Variants in DSCAM observed in about 807,000 individuals in gnomAD.
The protein encoded by DSCAM is DS cell adhesion molecule, also known as cell adhesion molecule DSCAM.
In DSCAM, 47 loss-of-function variants were observed where a neutral mutation model predicts 217.7. That is an observed-to-expected ratio of 0.22 (90% CI 0.17 to 0.28). DSCAM has a LOEUF of 0.28. DSCAM is among the 10% of genes least tolerant of loss of function. The pLI is 1.00. For missense variants in DSCAM, 2,080 were observed against 2,618.3 expected, an observed-to-expected ratio of 0.79 and a Z score of 4.49; for synonymous variants, 1,056 against 1,015.3, an observed-to-expected ratio of 1.04 and a Z score of -0.76.
At chr21:40,727,670 T>G (rs2146519025) in intron 1 of DSCAM, among the ~76,000 whole-genome samples, 1 of 152,230 alleles carries the variant, frequency 6.6e-6, no homozygotes, top group East Asian at 1.9e-4. Context: ...CCAATGGGTC[T>G]CTCTGCTTCT....
Position 40,022,333 on chromosome 21 carries a change from C to G in DSCAM, c.5687-8947G>C, listed in dbSNP as rs114085822. On this transcript the variant is annotated intron_variant, in intron 32 of 32. Coordinates refer to ENST00000400454, the MANE Select transcript of DSCAM (RefSeq NM_001389.5). ...CAACATCATCCAATGCTCAGAATAG[C>G]CCCTGCCACGAAGAATGATCTGGCT... Among the ~76,000 whole-genome samples the G allele has an allele frequency of 4.6e-3, 700 of 152,280 alleles. 5 individuals carry two copies. The highest frequency in any genetic ancestry group is 0.016 in the African/African-American group (651 of 41,556).
At chr21:40,204,615 A>C (rs1381237673) in intron 11 of DSCAM, among the ~76,000 whole-genome samples, 1 of 152,186 alleles carries the variant, frequency 6.6e-6, no homozygotes, top group Non-Finnish European at 1.5e-5. Flanking sequence ...AAATAACACC[A>C]ATGGTTTTGC....
chr21:40,348,910 A>G (rs981018548), intron 5 of DSCAM, among the ~76,000 whole-genome samples: 5 of 151,820 alleles, frequency 3.3e-5, no homozygotes, highest in African/African-American at 9.7e-5. Context: ...GTGAGGCCAA[A>G]GTGGGAGGAT....
chr21:40,601,121 C>G (rs778837588), intron 3 of DSCAM, among the ~76,000 whole-genome samples: 14 of 152,194 alleles, frequency 9.2e-5, no homozygotes, highest in Non-Finnish European at 1.9e-4. Flanking sequence ...TTGAGAAAAA[C>G]TGACATCGTA....
intron 3 of DSCAM, among the ~76,000 whole-genome samples, chr21:40,486,024 A>G (rs957485535): frequency 1.1e-4 from 16 of 152,230 alleles, no homozygotes; most frequent in Admixed American, 2.6e-4. Context: ...ACTACGTACT[A>G]TAAACTGAGG....
chr21:40,812,220 C>T (rs1289695133), intron 1 of DSCAM, among the ~76,000 whole-genome samples: 4 of 152,160 alleles, frequency 2.6e-5, no homozygotes, highest in East Asian at 1.9e-4. Context: ...AGCCAGAAAT[C>T]GTTACCATCT....
chr21:40,523,958 A>G (rs2076380146), intron 3 of DSCAM, among the ~76,000 whole-genome samples: 1 of 152,090 alleles, frequency 6.6e-6, no homozygotes, highest in South Asian at 2.1e-4. Context: ...CCCCCATCAC[A>G]CACCCTGAGA....
chr21:40,066,706 C>T (rs549015367), intron 27 of DSCAM, among the ~76,000 whole-genome samples: 1 of 152,288 alleles, frequency 6.6e-6, no homozygotes, highest in South Asian at 2.1e-4. Flanking sequence ...ATTTGTCCCT[C>T]TAATACATTA....
intron 5 of DSCAM, among the ~76,000 whole-genome samples, chr21:40,348,907 C>T (rs746962922): frequency 2.0e-4 from 31 of 151,748 alleles, no homozygotes; most frequent in Non-Finnish European, 2.4e-4. Flanking sequence ...TTTGTGAGGC[C>T]AAAGTGGGAG....
chr21:40,119,015 T>C (rs563355135), intron 20 of DSCAM, among the ~76,000 whole-genome samples: 16 of 152,312 alleles, frequency 1.1e-4, no homozygotes, highest in African/African-American at 2.6e-4. Flanking sequence ...AGAGATTTCT[T>C]TCTCTTTGTC....
At chr21:40,112,486 C>A (rs2089911793) in intron 20 of DSCAM, among the ~76,000 whole-genome samples, 1 of 151,968 alleles carries the variant, frequency 6.6e-6, no homozygotes, top group African/African-American at 2.4e-5. Context: ...AATTGACACC[C>A]TAACATCACA....
intron 3 of DSCAM, among the ~76,000 whole-genome samples, chr21:40,531,140 C>T (rs533684613): frequency 3.3e-5 from 5 of 152,174 alleles, no homozygotes; most frequent in African/African-American, 4.8e-5. Flanking sequence ...CTTGGCGTCT[C>T]GTCAACACCA....
intron 11 of DSCAM, among the ~76,000 whole-genome samples, chr21:40,210,371 G>A (rs1180295934): frequency 6.6e-6 from 1 of 152,250 alleles, no homozygotes. Context: ...CAAAGCTAAA[G>A]TTTTGCAATA....
intron 3 of DSCAM, among the ~76,000 whole-genome samples, chr21:40,588,192 G>A (rs755570851): frequency 6.6e-6 from 1 of 152,146 alleles, no homozygotes; most frequent in Non-Finnish European, 1.5e-5. Flanking sequence ...GGATCTACCT[G>A]ACTCCAAAGA....
chr21:40,179,662 CAT>C (rs1320981053), intron 14 of DSCAM, among the ~76,000 whole-genome samples: 1 of 152,160 alleles, frequency 6.6e-6, no homozygotes, highest in Non-Finnish European at 1.5e-5. Flanking sequence ...GATTACCAAA[CAT>C]ATTTTTTCAG....
At chr21:40,398,217 T>A (rs2075200100) in intron 3 of DSCAM, among the ~76,000 whole-genome samples, 1 of 152,206 alleles carries the variant, frequency 6.6e-6, no homozygotes, top group African/African-American at 2.4e-5. Flanking sequence ...GATTCAGACA[T>A]TTTAAGAAGT....
In DSCAM at chr21:40,078,741, T is replaced by C; in HGVS notation, c.4657A>G (p.Ser1553Gly). The change falls in exon 26 of 33, where the codon AGT (serine) becomes GGT (glycine). Residue 1553 changes from serine (S) to glycine (G), a missense_variant. This residue lies in a region of DSCAM where 1,144 missense variants were observed against 1,421.1 expected (regional missense o/e 0.81). Transcript: ENST00000400454. The part of the protein sequence containing the change: ...WYELQMRVCN[S>G]AGCAEKQANF... ...GCCTGCTTCTCCGCGCAGCCCGCAC[T>C]GTTGCACACCCGCATCTGCAGCTCA... 1.2e-6 allele frequency: 2 copies of C among 1,614,226 alleles called. No homozygotes were observed. The highest frequency in any genetic ancestry group is 1.7e-6 in the Non-Finnish European group (2 of 1,180,042).
chr21:40,391,582 T>C (rs558565311), intron 3 of DSCAM, among the ~76,000 whole-genome samples: 3 of 152,318 alleles, frequency 2.0e-5, no homozygotes, highest in East Asian at 3.9e-4. Flanking sequence ...CTCTCCAGGG[T>C]TGTTCATACT....
At chr21:40,040,510 T>C (rs533826918) in intron 32 of DSCAM, among the ~76,000 whole-genome samples, 2 of 152,062 alleles carry the variant, frequency 1.3e-5, no homozygotes, top group Non-Finnish European at 2.9e-5. Flanking sequence ...GGTGGAAACA[T>C]AAAGTACTTA....
Sources: allele counts gnomAD v4.1 joint callset (sites outside exome capture counted in the v4.1 genomes callset), GRCh38; gene constraint gnomAD v4.1.1; regional missense constraint gnomAD v4.1.1; transcripts MANE v1.5; gene names NCBI Gene and HGNC (gene_info 2026-07-23, HGNC 2026-07-21).